The following WARS2 variants were observed in gnomAD, a reference collection of about 807,000 sequenced individuals.
WARS2 encodes tryptophanyl tRNA synthetase 2, mitochondrial, also known as tryptophan--tRNA ligase, mitochondrial.
WARS2 carries 28 observed loss-of-function variants against 36.5 expected under a neutral mutation model. The ratio of observed to expected loss-of-function variants is 0.77; its 90% confidence interval spans 0.57 to 1.05. The LOEUF is 1.05. Ranked by LOEUF, WARS2 falls within the 50% of genes least tolerant of loss-of-function variation. WARS2 has a pLI of 0.00. For missense variants in WARS2, 435 were observed against 456.8 expected (o/e 0.95, Z 0.44); for synonymous variants, 174 against 178.4 (o/e 0.98, Z 0.20).
intron 1 of WARS2, among the ~76,000 whole-genome samples, chr1:119,088,749 C>T (rs1471062111): frequency 6.6e-6 from 1 of 152,180 alleles, no homozygotes; most frequent in East Asian, 1.9e-4. Context: ...CCATAAATCT[C>T]TATGGCTCAG....
intron 2 of WARS2, among the ~76,000 whole-genome samples, chr1:119,066,248 T>G (rs185324766): frequency 1.3e-5 from 2 of 151,762 alleles, no homozygotes; most frequent in African/African-American, 2.4e-5. Context: ...GAGGCTAAGG[T>G]GGGCGGATCA....
intron 1 of WARS2, among the ~76,000 whole-genome samples, chr1:119,113,848 T>C (rs948333014): frequency 6.6e-6 from 1 of 152,108 alleles, no homozygotes; most frequent in African/African-American, 2.4e-5. Context: ...TGCTAATCTC[T>C]GTAATTCTTT....
At chr1:119,081,273 T>G (rs763191802) in intron 1 of WARS2, among the ~76,000 whole-genome samples, 19 of 152,342 alleles carry the variant, frequency 1.2e-4, no homozygotes, top group South Asian at 4.1e-4. Context: ...TTATTAATTA[T>G]GGCAAAAGAA....
chr1:119,089,690 T>C (rs1309988534), intron 1 of WARS2, among the ~76,000 whole-genome samples: 3 of 152,190 alleles, frequency 2.0e-5, no homozygotes, highest in Non-Finnish European at 2.9e-5. Flanking sequence ...ATCTGTCCTA[T>C]AGAAATACTC....
chr1:119,104,603 G>A (rs1220266618), intron 1 of WARS2, among the ~76,000 whole-genome samples: 1 of 144,814 alleles, frequency 6.9e-6, no homozygotes, highest in East Asian at 2.0e-4. Flanking sequence ...GATAAATACA[G>A]AATGTGATTA....
intron 1 of WARS2, among the ~76,000 whole-genome samples, chr1:119,089,570 G>C (rs587772378): frequency 6.6e-6 from 1 of 152,316 alleles, no homozygotes; most frequent in South Asian, 2.1e-4. Context: ...TCGGAGGACT[G>C]TGACAAGTTT....
chr1:119,101,711 A>C (rs1557980963), intron 1 of WARS2, among the ~76,000 whole-genome samples: 1 of 152,150 alleles, frequency 6.6e-6, no homozygotes. Context: ...CTTCAGTTTT[A>C]AATAGGGAGA....
chr1:119,130,193 T>C (rs1656000148), intron 1 of WARS2, among the ~76,000 whole-genome samples: 1 of 152,196 alleles, frequency 6.6e-6, no homozygotes, highest in Admixed American at 6.5e-5. Context: ...TTATTTCCTT[T>C]ATAAGTTGAA....
At chr1:119,104,891 A>G (rs1412830283) in intron 1 of WARS2, among the ~76,000 whole-genome samples, 1 of 152,146 alleles carries the variant, frequency 6.6e-6, no homozygotes, top group Non-Finnish European at 1.5e-5. Context: ...AGCAGATCAT[A>G]CAAGGCCTTG....
chr1:119,139,544 T>A (rs1357562861), intron 1 of WARS2: 1 of 152,264 alleles, frequency 6.6e-6, no homozygotes, highest in Non-Finnish European at 1.5e-5. Context: ...CCAGAGAGAT[T>A]GTGACTTGTC....
At chr1:119,100,436 GT>G (rs771296315) in intron 1 of WARS2, among the ~76,000 whole-genome samples, 4 of 152,188 alleles carry the variant, frequency 2.6e-5, no homozygotes, top group Non-Finnish European at 4.4e-5. Context: ...AATCCCACTA[GT>G]GGGTATCTGC....
At chr1:119,123,667 C>G (rs956248340) in intron 1 of WARS2, among the ~76,000 whole-genome samples, 7 of 152,272 alleles carry the variant, frequency 4.6e-5, no homozygotes, top group Middle Eastern at 3.4e-3. Context: ...TGGCTTCCAG[C>G]ATGTTACCAC....
intron 1 of WARS2, among the ~76,000 whole-genome samples, chr1:119,133,563 C>T (rs1320312894): frequency 1.3e-5 from 2 of 152,126 alleles, no homozygotes; most frequent in Non-Finnish European, 2.9e-5. Context: ...TAGCACCTAC[C>T]TTATTGAGTT....
At chr1:119,048,863 A>C (rs1649089310) in intron 2 of WARS2, among the ~76,000 whole-genome samples, 1 of 152,168 alleles carries the variant, frequency 6.6e-6, no homozygotes, top group Admixed American at 6.5e-5. Flanking sequence ...CAGGAGTTCA[A>C]GACCAGCCTG....
intron 2 of WARS2, among the ~76,000 whole-genome samples, chr1:119,074,709 G>C (rs1160283771): frequency 2.6e-5 from 4 of 152,002 alleles, no homozygotes; most frequent in Admixed American, 6.6e-5. Flanking sequence ...CTGCATCCAT[G>C]GACTCAACCA....
Position 119,032,638 on chromosome 1 carries a change from G to C in WARS2, c.*273C>G, listed in dbSNP as rs1647520137. The C allele has an allele frequency of 2.2e-6, 1 of 455,568 alleles. No individual in the cohort carries two copies. The highest frequency in any genetic ancestry group is 2.0e-5 in the African/African-American group (1 of 50,436). The allele number at this position is 455,568 out of a possible 1,614,324, so 28.2% of individuals were successfully genotyped here. A position where few individuals can be genotyped will look rare whatever the true frequency, so the allele number is the denominator to read the frequency against. On this transcript the variant is annotated 3_prime_UTR_variant, in exon 6 of 6. Transcript: ENST00000235521. ...TCCTTACTTCAATCACATTTCTGCAGGCCAAGGAGTGTGCCTCAATAATTG... is the reference window on the plus strand; with the variant it reads ...TCCTTACTTCAATCACATTTCTGCACGCCAAGGAGTGTGCCTCAATAATTG...
At chr1:119,135,419 T>A (rs1203486166) in intron 1 of WARS2, among the ~76,000 whole-genome samples, 2 of 152,198 alleles carry the variant, frequency 1.3e-5, no homozygotes, top group African/African-American at 4.8e-5. Flanking sequence ...GGGATTCATG[T>A]AAGATTTCAT....
intron 2 of WARS2, chr1:119,064,679 AT>A: frequency 1.8e-5 from 3 of 162,278 alleles, no homozygotes; most frequent in Non-Finnish European, 3.9e-5. Context: ...CTTCTTCCTC[AT>A]TTTTCTCTTG....
At chr1:119,112,798 T>C (rs1295845094) in intron 1 of WARS2, among the ~76,000 whole-genome samples, 1 of 152,166 alleles carries the variant, frequency 6.6e-6, no homozygotes, top group East Asian at 1.9e-4. Flanking sequence ...GAATTTAAAG[T>C]TAGCTAACTG....
Sources: allele counts gnomAD v4.1 joint callset (sites outside exome capture counted in the v4.1 genomes callset), GRCh38; gene constraint gnomAD v4.1.1; transcripts MANE v1.5; gene names NCBI Gene and HGNC (gene_info 2026-07-23, HGNC 2026-07-21).